The following PALLD variants were observed in gnomAD, a reference collection of about 807,000 sequenced individuals.
PALLD encodes the protein palladin, cytoskeletal associated protein, also known as palladin.
Under a neutral mutation model 123.5 loss-of-function variants are expected in PALLD, and 61 were observed. The observed-to-expected ratio is 0.49, with a 90% CI of 0.40 to 0.61. PALLD has a LOEUF of 0.61. Among genes scored for constraint, PALLD ranks in the 20% least tolerant of loss-of-function variants. The pLI is 0.00. For synonymous variants in PALLD, 465 were observed against 496.4 expected, an observed-to-expected ratio of 0.94 and a Z score of 0.84; for missense variants, 1,273 against 1,377.0, an observed-to-expected ratio of 0.92 and a Z score of 1.20.
At chr4:168,645,648 A>C (rs750328014) in intron 2 of PALLD, among the ~76,000 whole-genome samples, 1 of 152,204 alleles carries the variant, frequency 6.6e-6, no homozygotes, top group Non-Finnish European at 1.5e-5. Flanking sequence ...TATATACTAC[A>C]TTCACTTAGA....
rs200399043 is a variant in PALLD, at chr4:168,924,395, C to G, written c.3199C>G (p.Leu1067Val). ...QIFWKKENESLTHSTDRVSMH... is the reference protein window; with the variant it reads ...QIFWKKENESVTHSTDRVSMH... ...ATTTTGGAAGAAAGAAAATGAATCA[C>G]TCACTCACAGCACTGACCGAGTGAG... The change falls in exon 19 of 22, where the codon CTC becomes GTC. Residue 1067 changes from leucine to valine, a missense_variant. Physicochemically the swap from Leu to Val is conservative, Grantham distance 32 (BLOSUM62 1). This residue lies in a region of PALLD where 329 missense variants were observed against 422.5 expected (regional missense o/e 0.78). Coordinates refer to ENST00000505667, the MANE Select transcript of PALLD (RefSeq NM_001166108.2). The G allele has an allele frequency of 6.2e-7, 1 of 1,613,916 alleles. No homozygotes were observed. Among genetic ancestry groups the G allele is most frequent in the East Asian group, 2.2e-5 (1 of 44,862 alleles).
chr4:168,709,159 G>A lies in PALLD; in HGVS notation c.1621+12G>A. The A allele has an allele frequency of 1.2e-6, 2 of 1,613,408 alleles. No individual in the cohort carries two copies. The highest frequency in any genetic ancestry group is 2.2e-5 in the East Asian group (1 of 44,834). On this transcript the variant is annotated intron_variant, in intron 9 of 21. Coordinates refer to ENST00000505667, the MANE Select transcript of PALLD (RefSeq NM_001166108.2). ...GGTTGTCACCTCAGGTATGTGAGGA[G>A]TAAAAAAAATGACTGGGTTCTGTTC...
intron 8 of PALLD, among the ~76,000 whole-genome samples, chr4:168,704,769 G>C (rs1033669025): frequency 1.3e-5 from 2 of 149,074 alleles, no homozygotes; most frequent in Admixed American, 6.6e-5. Context: ...TAAAGAAAAA[G>C]AAGACAATTC....
rs1320341203 is a variant in PALLD at position 168,928,362 on chromosome 4, T to G, written c.*2182T>G. ...GTACTATCAATCAATCATACTACTT[T>G]GGATTGTTGTGCTGGTGTAATGTGG... On this transcript the variant is annotated 3_prime_UTR_variant, in exon 22 of 22. Coordinates refer to ENST00000505667, the MANE Select transcript of PALLD (RefSeq NM_001166108.2). 1.1e-5 allele frequency: 2 copies of G among 182,922 alleles called. No homozygotes were observed. The highest frequency in any genetic ancestry group is 4.7e-5 in the African/African-American group (2 of 42,520). 11.3% of individuals were successfully genotyped at this position (182,922 alleles called of 1,614,324 possible). A position where few individuals can be genotyped will look rare whatever the true frequency, so the allele number is the denominator to read the frequency against.
intron 10 of PALLD, among the ~76,000 whole-genome samples, chr4:168,722,605 G>T (rs1786130765): frequency 6.6e-6 from 1 of 152,222 alleles, no homozygotes; most frequent in Non-Finnish European, 1.5e-5. Flanking sequence ...AACTAAGAGA[G>T]AGAAAGAATA....
chr4:168,512,129 A>C lies in PALLD; in HGVS notation c.625A>C (p.Asn209His). The part of the protein sequence containing the change: ...SPDSGYLSPK[N>H]QPSALLSASA... Reference sequence around the variant, plus strand: ...AGACAGTGGGTACCTGTCTCCTAAAAATCAGCCGTCAGCCCTGCTGAGTGC... The same window carrying C: ...AGACAGTGGGTACCTGTCTCCTAAACATCAGCCGTCAGCCCTGCTGAGTGC... Residue 209 changes from asparagine (N) to histidine (H), a missense_variant, in exon 2 of 22, where the codon AAT becomes CAT. Around this residue, in one of 2 missense-constraint regions of PALLD, gnomAD observed 944 missense variants for 954.5 expected, o/e 0.99. Transcript: ENST00000505667. The C allele has an allele frequency of 8.7e-6, 14 of 1,614,180 alleles. No homozygotes were observed. The highest frequency in any genetic ancestry group is 1.1e-5 in the Non-Finnish European group (13 of 1,180,034).
intron 14 of PALLD, among the ~76,000 whole-genome samples, chr4:168,900,591 G>A (rs114687036): frequency 0.011 from 1,716 of 152,172 alleles, 48 homozygotes; most frequent in African/African-American, 0.039. Context: ...GCATTGTTTT[G>A]TTTTCCCACC....
intron 2 of PALLD, among the ~76,000 whole-genome samples, chr4:168,640,415 T>C (rs1356532614): frequency 2.6e-5 from 4 of 152,204 alleles, no homozygotes; most frequent in African/African-American, 9.6e-5. Flanking sequence ...CTGAGACTTC[T>C]GGCCCCTCAA....
intron 4 of PALLD, 119 bp downstream of exon 4, chr4:168,681,517 T>A: frequency 1.1e-5 from 7 of 652,498 alleles, no homozygotes; most frequent in Middle Eastern, 3.0e-4. Flanking sequence ...TAATCAGAGA[T>A]CAAATACTGA....
intron 2 of PALLD, among the ~76,000 whole-genome samples, chr4:168,566,080 A>G (rs567737353): frequency 2.0e-5 from 3 of 152,304 alleles, no homozygotes; most frequent in African/African-American, 2.4e-5. Flanking sequence ...GATAAATAAT[A>G]TAGTCTCTTA....
intron 10 of PALLD, among the ~76,000 whole-genome samples, chr4:168,830,600 C>T (rs1312514568): frequency 1.3e-5 from 2 of 152,256 alleles, no homozygotes; most frequent in Admixed American, 1.3e-4. Context: ...TTTAAATACA[C>T]ATCCAAAAGC....
intron 10 of PALLD, among the ~76,000 whole-genome samples, chr4:168,725,523 T>TC (rs1491389101): frequency 3.5e-4 from 13 of 36,876 alleles, no homozygotes; most frequent in Non-Finnish European, 1.6e-4. Flanking sequence ...CTTTAATTTC[T>TC]TTTTTTTTTT....
rs139603915 is a variant in PALLD, at chr4:168,553,852, C to G, written c.908+41440C>G. Reference sequence around the variant, plus strand: ...GTTCTTTCTCCTCTCCCTCCTACTACCATTCAATGGAGAGGGCTTCTGGGT... The same window carrying G: ...GTTCTTTCTCCTCTCCCTCCTACTAGCATTCAATGGAGAGGGCTTCTGGGT... On this transcript the variant is annotated intron_variant, in intron 2 of 21. Transcript: ENST00000505667. Among the ~76,000 whole-genome samples, 8 of 152,244 alleles carry G rather than the reference C, an allele frequency of 5.3e-5. No individual in the cohort carries two copies. The East Asian group carries it at 1.5e-3, about 29-fold the overall frequency.
chr4:168,719,903 C>T (rs774535038), intron 10 of PALLD, among the ~76,000 whole-genome samples: 2 of 152,234 alleles, frequency 1.3e-5, no homozygotes, highest in Non-Finnish European at 2.9e-5. Context: ...CTGGGAAAGA[C>T]ATGATCTTGT....
chr4:168,701,124 G>C (rs1329848638), intron 8 of PALLD, among the ~76,000 whole-genome samples: 1 of 152,228 alleles, frequency 6.6e-6, no homozygotes, highest in African/African-American at 2.4e-5. Flanking sequence ...TGGTCAAACT[G>C]ATTAAGTTTA....
rs957770223 is a variant in PALLD, at chr4:168,878,072, T to G, written c.1965-12850T>G. 11 of 1,460,548 alleles carry G rather than the reference T, an allele frequency of 7.5e-6. No individual in the cohort carries two copies. The highest frequency in any genetic ancestry group is 8.1e-6 in the Non-Finnish European group (9 of 1,113,778). The allele number at this position is 1,460,548 out of a possible 1,614,324, so 90.5% of individuals were successfully genotyped here. Reference sequence around the variant, plus strand: ...GCCCATGTCCCCGACGCCGAGGCAGTTCGGCCGCGCCCCCGTGCCGCCCTT... The same window carrying G: ...GCCCATGTCCCCGACGCCGAGGCAGGTCGGCCGCGCCCCCGTGCCGCCCTT... On this transcript the variant is annotated intron_variant, in intron 10 of 21. Coordinates refer to ENST00000505667, the MANE Select transcript of PALLD (RefSeq NM_001166108.2).
chr4:168,630,703 T>A (rs1487606306), intron 2 of PALLD, among the ~76,000 whole-genome samples: 2 of 152,228 alleles, frequency 1.3e-5, no homozygotes, highest in African/African-American at 4.8e-5. Flanking sequence ...CATGAGTTTC[T>A]TCCTTAAATT....
In PALLD at chr4:168,511,962, A is replaced by C; in HGVS notation, c.458A>C (p.Lys153Thr). Residue 153 changes from lysine to threonine, a missense_variant, in exon 2 of 22, where the codon AAG becomes ACG. Coordinates refer to ENST00000505667, the MANE Select transcript of PALLD (RefSeq NM_001166108.2). Reference protein sequence around the residue: ...RGAKTPSTNVKPKTPHQRKGG... With the variant: ...RGAKTPSTNVTPKTPHQRKGG... ...GCAAAAACTCCCAGCACAAACGTAA[A>C]GCCCAAAACGCCACATCAAAGAAAG... 6.2e-7 allele frequency: 1 copy of C among 1,614,226 alleles called. No individual in the cohort carries two copies.
At chr4:168,600,462 C>G (rs1177625178) in intron 2 of PALLD, among the ~76,000 whole-genome samples, 2 of 152,146 alleles carry the variant, frequency 1.3e-5, no homozygotes, top group South Asian at 4.1e-4. Context: ...TACTTTCCCT[C>G]TTTAAACTCA....
Sources: allele counts gnomAD v4.1 joint callset (sites outside exome capture counted in the v4.1 genomes callset), GRCh38; gene constraint gnomAD v4.1.1; regional missense constraint gnomAD v4.1.1; transcripts MANE v1.5; gene names NCBI Gene and HGNC (gene_info 2026-07-23, HGNC 2026-07-21).